The following SLC71A2 variants were observed in gnomAD, a reference collection of about 807,000 sequenced individuals.
SLC71A2 encodes solute carrier family 71 member 2, also known as hippocampus abundant transcript-like 1.
the SLC71A2 span, among the ~76,000 whole-genome samples, chr9:94,392,105 G>A: frequency 6.6e-6 from 1 of 151,538 alleles, no homozygotes; most frequent in East Asian, 1.9e-4. Flanking sequence ...AGATGTTGGA[G>A]GTAGAGACAC....
At chr9:94,374,801 G>T in the SLC71A2 span, 4 of 669,694 alleles carry the variant, frequency 6.0e-6, no homozygotes, top group Non-Finnish European at 8.1e-6. Flanking sequence ...CCCCGGGCTG[G>T]CGCGGGCATG....
At chr9:94,386,515 C>T in the SLC71A2 span, among the ~76,000 whole-genome samples, 3 of 151,750 alleles carry the variant, frequency 2.0e-5, no homozygotes, top group East Asian at 5.8e-4. Flanking sequence ...TTGATAGTTA[C>T]GTCACATGCA....
the SLC71A2 span, among the ~76,000 whole-genome samples, chr9:94,405,217 C>T: frequency 0.032 from 4,813 of 151,968 alleles, 266 homozygotes; most frequent in African/African-American, 0.11. Context: ...AAGACTAGGC[C>T]GGGCGCAGTG....
chr9:94,419,006 G>C, the SLC71A2 span, among the ~76,000 whole-genome samples: 2 of 152,042 alleles, frequency 1.3e-5, no homozygotes, highest in African/African-American at 2.4e-5. Context: ...GAGACTCCTC[G>C]TGTTGACTCC....
chr9:94,428,380 G>A, the SLC71A2 span, among the ~76,000 whole-genome samples: 76,045 of 108,684 alleles, frequency 0.7, 28,223 homozygotes, highest in African/African-American at 0.92. Context: ...AGTACAGGCA[G>A]GTAGAGTTCA....
the SLC71A2 span, among the ~76,000 whole-genome samples, chr9:94,413,580 C>T: frequency 6.9e-6 from 1 of 145,276 alleles, no homozygotes; most frequent in Admixed American, 7.3e-5. Context: ...GGGGCTCATA[C>T]CTGTAATCCC....
the SLC71A2 span, among the ~76,000 whole-genome samples, chr9:94,445,633 T>C: frequency 2.0e-5 from 3 of 152,178 alleles, no homozygotes; most frequent in East Asian, 1.9e-4. Flanking sequence ...TGTCTCTCTC[T>C]CCCTCTCTAC....
At chr9:94,453,054 TG>T in the SLC71A2 span, among the ~76,000 whole-genome samples, 1 of 152,126 alleles carries the variant, frequency 6.6e-6, no homozygotes, top group Non-Finnish European at 1.5e-5. Flanking sequence ...TTTATATTTT[TG>T]TTTTTGTTGA....
the SLC71A2 span, among the ~76,000 whole-genome samples, chr9:94,384,948 C>A: frequency 6.6e-6 from 1 of 151,648 alleles, no homozygotes; most frequent in Non-Finnish European, 1.5e-5. Flanking sequence ...GAGTTTGGCT[C>A]CCCTTTGTCT....
the SLC71A2 span, among the ~76,000 whole-genome samples, chr9:94,425,858 A>G: frequency 1.3e-5 from 2 of 152,150 alleles, no homozygotes; most frequent in African/African-American, 4.8e-5. Flanking sequence ...CCAGGAATGA[A>G]CAAGGACAGC....
At chr9:94,423,596 G>C in the SLC71A2 span, among the ~76,000 whole-genome samples, 1 of 151,950 alleles carries the variant, frequency 6.6e-6, no homozygotes, top group Non-Finnish European at 1.5e-5. Context: ...TCTTACTACT[G>C]ACTAGTTCTG....
chr9:94,452,625 ATATATATTTTCATATATATATT>A, the SLC71A2 span, among the ~76,000 whole-genome samples: 3 of 101,778 alleles, frequency 2.9e-5, no homozygotes, highest in African/African-American at 8.7e-5. Flanking sequence ...ATATATATAT[ATATATATTTTCATATATATATT>A]CATATATATT....
the SLC71A2 span, among the ~76,000 whole-genome samples, chr9:94,450,456 C>T: frequency 3.5e-5 from 5 of 143,630 alleles, no homozygotes. Context: ...TTTTAAGGTC[C>T]TTTTCCTGAA....
chr9:94,442,106 G>T, the SLC71A2 span, among the ~76,000 whole-genome samples: 1 of 152,172 alleles, frequency 6.6e-6, no homozygotes, highest in Non-Finnish European at 1.5e-5. Flanking sequence ...GAAAGTGGAA[G>T]AAGAAAGATG....
the SLC71A2 span, chr9:94,460,342 C>T: frequency 2.0e-5 from 3 of 152,636 alleles, no homozygotes; most frequent in Non-Finnish European, 4.4e-5. Context: ...CTTCCATGTC[C>T]TGCTTCTCAA....
chr9:94,402,410 A>G, the SLC71A2 span, among the ~76,000 whole-genome samples: 1 of 152,178 alleles, frequency 6.6e-6, no homozygotes, highest in African/African-American at 2.4e-5. Flanking sequence ...GGTTTTTTTA[A>G]TATATATTCA....
At chr9:94,414,868 C>T in the SLC71A2 span, among the ~76,000 whole-genome samples, 4 of 151,988 alleles carry the variant, frequency 2.6e-5, no homozygotes, top group African/African-American at 9.7e-5. Flanking sequence ...CTATGTTAAC[C>T]ATGCTGGTCT....
chr9:94,416,417 G>A, the SLC71A2 span, among the ~76,000 whole-genome samples: 1 of 152,124 alleles, frequency 6.6e-6, no homozygotes, highest in Non-Finnish European at 1.5e-5. Flanking sequence ...CCTTACTAAA[G>A]AATCCCTCTG....
chr9:94,408,992 A>G, the SLC71A2 span, among the ~76,000 whole-genome samples: 212 of 151,252 alleles, frequency 1.4e-3, 1 homozygote, highest in African/African-American at 4.9e-3. Context: ...ACGCCTGGCT[A>G]ATTTTTTTTA....
Sources: gnomAD v4.1 joint callset for allele counts (sites outside exome capture counted in the v4.1 genomes callset) on GRCh38, gnomAD v4.1.1 for gene constraint, MANE v1.5 for transcripts, NCBI Gene and HGNC (gene_info 2026-07-23, HGNC 2026-07-21) for gene names.